INTS13: variants seen among roughly 807,000 people sequenced by gnomAD.
INTS13 encodes the protein asunder, spermatogenesis regulator homolog (Drosphila).
A neutral mutation model predicts 90.2 loss-of-function variants in INTS13; 35 were observed. The observed-to-expected ratio is 0.39, with a 90% confidence interval of 0.30 to 0.51. INTS13 has a LOEUF of 0.51. Among genes scored for constraint, INTS13 ranks in the 20% least tolerant of loss-of-function variants. The probability of loss-of-function intolerance (pLI) is 0.80; values close to 1 mark genes in which losing one functional copy is unlikely to be tolerated. For synonymous variants in INTS13, 309 were observed against 277.1 expected, an observed-to-expected ratio of 1.11 and a Z score of -1.14; for missense variants, 601 against 851.2, an observed-to-expected ratio of 0.71 and a Z score of 3.66.
intron 3 of INTS13, 30 bp downstream of exon 3, chr12:26,934,526 A>C (rs770028448): frequency 6.7e-7 from 1 of 1,486,812 alleles, no homozygotes; most frequent in South Asian, 1.2e-5. Context: ...GATAATTTAC[A>C]AATGGCCACA....
chr12:26,929,029 T>C (rs989318378), intron 3 of INTS13, 124 bp from the exon 4 acceptor site: 2 of 862,614 alleles, frequency 2.3e-6, no homozygotes, highest in Non-Finnish European at 3.5e-6. Flanking sequence ...CTTAAAAAAA[T>C]AGTAGCAAAC....
At chr12:26,914,280 T>G in intron 12 of INTS13, 128 bp downstream of exon 12, 1 of 1,203,688 alleles carries the variant, frequency 8.3e-7, no homozygotes, top group Non-Finnish European at 1.1e-6. Context: ...ATTAATTCTT[T>G]AACTTTAGCA....
intron 15 of INTS13, 60 bp downstream of exon 15, chr12:26,911,114 GGTAA>G: frequency 6.5e-7 from 1 of 1,540,720 alleles, no homozygotes; most frequent in Non-Finnish European, 8.8e-7. Context: ...GGATTACAGG[GGTAA>G]GCCACCACAC....
At chr12:26,914,180 T>C (rs1951868199) in intron 12 of INTS13, 52 bp from the exon 13 acceptor site, 3 of 1,469,388 alleles carry the variant, frequency 2.0e-6, no homozygotes, top group African/African-American at 2.9e-5. Flanking sequence ...AAAATAAATA[T>C]CAAAACATCT....
chr12:26,932,262 C>A (rs1938235994), intron 3 of INTS13, among the ~76,000 whole-genome samples: 1 of 152,022 alleles, frequency 6.6e-6, no homozygotes, highest in South Asian at 2.1e-4. Context: ...AATCTAAGTG[C>A]CCATGGAAAC....
chr12:26,923,063 T>C (rs1937673450), intron 7 of INTS13, among the ~76,000 whole-genome samples: 1 of 152,068 alleles, frequency 6.6e-6, no homozygotes, highest in Admixed American at 6.6e-5. Flanking sequence ...TAAAGCGAAA[T>C]CATTGTTAAA....
chr12:26,909,332 C>A (rs1592195265), intron 15 of INTS13, among the ~76,000 whole-genome samples: 1 of 152,206 alleles, frequency 6.6e-6, no homozygotes, highest in African/African-American at 2.4e-5. Flanking sequence ...TTGCACTCCA[C>A]CCTGGGCAAC....
chr12:26,935,360 T>C (rs558265624), intron 2 of INTS13, among the ~76,000 whole-genome samples: 1 of 152,370 alleles, frequency 6.6e-6, no homozygotes, highest in South Asian at 2.1e-4. Flanking sequence ...GTTAGATTTC[T>C]TTCTTTACTC....
At chr12:26,923,521 C>G (rs1395903801) in intron 7 of INTS13, among the ~76,000 whole-genome samples, 1 of 152,106 alleles carries the variant, frequency 6.6e-6, no homozygotes, top group African/African-American at 2.4e-5. Flanking sequence ...ATAGTGGCTA[C>G]CTTATATTTG....
Position 26,906,410 on chromosome 12 carries a change from C to T in INTS13, c.1973G>A (p.Ser658Asn). Reference sequence around the variant, plus strand: ...GGAATTGGCAGTATTGATTCTATTACTCCACAAGGATAATAACGACACTGG... The same window carrying T: ...GGAATTGGCAGTATTGATTCTATTATTCCACAAGGATAATAACGACACTGG... ...KGPVSLLSLW[S>N]NRINTANSRK... Residue 658 changes from serine to asparagine, a missense_variant, in exon 16 of 17, where the codon AGT becomes AAT. Coordinates refer to ENST00000261191, the MANE Select transcript of INTS13 (RefSeq NM_018164.3). The T allele has an allele frequency of 6.2e-7, 1 of 1,611,626 alleles. No individual in the cohort carries two copies. The highest frequency in any genetic ancestry group is 8.5e-7 in the Non-Finnish European group (1 of 1,178,748).
At chr12:26,913,258 C>T (rs755162249) in intron 14 of INTS13, among the ~76,000 whole-genome samples, 199 bp downstream of exon 14, 1 of 152,092 alleles carries the variant, frequency 6.6e-6, no homozygotes, top group East Asian at 1.9e-4. Context: ...AACTTTGCCC[C>T]AACAGTAAAA....
chr12:26,936,392 G>C (rs1335472631), intron 2 of INTS13, among the ~76,000 whole-genome samples, 187 bp downstream of exon 2: 1 of 152,200 alleles, frequency 6.6e-6, no homozygotes, highest in Non-Finnish European at 1.5e-5. Context: ...CTCAATAATT[G>C]TTAGCTGTTA....
rs578261575 is a variant in INTS13, at chr12:26,924,499, C to G, written c.676-16G>C. The G allele has an allele frequency of 6.3e-6, 10 of 1,586,610 alleles. No homozygotes were observed. The highest frequency in any genetic ancestry group is 8.6e-6 in the Non-Finnish European group (10 of 1,165,870). ...CCGGGGACAACTACAGAAAAACATA[C>G]AAGAAAAATAATCCACAAAATATTA... On this transcript the variant is annotated splice_polypyrimidine_tract_variant and intron_variant, in intron 6 of 16. Transcript: ENST00000261191.
chr12:26,917,839 A>AAAAAAAAAAACC, intron 8 of INTS13, 106 bp from the exon 9 acceptor site: 1 of 497,878 alleles, frequency 2.0e-6, no homozygotes, highest in Non-Finnish European at 3.7e-6. Flanking sequence ...AAATAATAAA[A>AAAAAAAAAAACC]GCGGCCGGGT....
At chr12:26,908,268 TGACA>T (rs1951669615) in intron 15 of INTS13, among the ~76,000 whole-genome samples, 1 of 152,118 alleles carries the variant, frequency 6.6e-6, no homozygotes, top group African/African-American at 2.4e-5. Flanking sequence ...TCTTTTGGGG[TGACA>T]GACTGTTGTG....
intron 6 of INTS13, among the ~76,000 whole-genome samples, chr12:26,925,133 G>A (rs992657409): frequency 1.3e-5 from 2 of 151,966 alleles, no homozygotes; most frequent in Non-Finnish European, 2.9e-5. Flanking sequence ...ACACAATGAT[G>A]GCAATAATGA....
At chr12:26,909,533 G>A (rs915197148) in intron 15 of INTS13, among the ~76,000 whole-genome samples, 3 of 146,320 alleles carry the variant, frequency 2.1e-5, no homozygotes, top group African/African-American at 7.7e-5. Flanking sequence ...CTGGAGTGCA[G>A]TGGCATCTTG....
Position 26,914,007 on chromosome 12 carries a change from G to C in INTS13, c.1541C>G (p.Ser514Cys), listed in dbSNP as rs747724169. ...GCCCTTTCCTCTTGTACCAACTGTG[G>C]AAATAGGTAGAGGATCATTTTTTCT... ...MERKNDPLPI[S>C]TVGTRGKGPK... Residue 514 changes from serine to cysteine, a missense_variant, in exon 13 of 17, where the codon TCC becomes TGC. Coordinates refer to ENST00000261191, the MANE Select transcript of INTS13 (RefSeq NM_018164.3). 1 of 1,610,350 alleles carries C rather than the reference G, an allele frequency of 6.2e-7. No homozygotes were observed. The highest frequency in any genetic ancestry group is 8.5e-7 in the Non-Finnish European group (1 of 1,179,032).
chr12:26,918,372 A>G (rs914074227), intron 8 of INTS13, among the ~76,000 whole-genome samples: 1 of 152,212 alleles, frequency 6.6e-6, no homozygotes, highest in East Asian at 1.9e-4. Context: ...CCAAGGGAAA[A>G]TATCTCTGAG....
Sources: gnomAD v4.1 joint callset for allele counts (sites outside exome capture counted in the v4.1 genomes callset) on GRCh38, gnomAD v4.1.1 for gene constraint, MANE v1.5 for transcripts, NCBI Gene and HGNC (gene_info 2026-07-23, HGNC 2026-07-21) for gene names.